The following NUP133 variants were observed in gnomAD, a reference collection of about 807,000 sequenced individuals.
The protein encoded by NUP133 is nuclear pore complex protein Nup133.
NUP133 carries 66 observed loss-of-function variants against 146.2 expected under a neutral mutation model. The observed-to-expected ratio is 0.45, with a 90% CI of 0.37 to 0.55. NUP133 has a LOEUF of 0.55. Ranked by LOEUF, NUP133 falls within the 20% of genes least tolerant of loss-of-function variation. NUP133 has a pLI of 0.00. For missense variants in NUP133, 1,277 were observed against 1,374.8 expected, an observed-to-expected ratio of 0.93 and a Z score of 1.12; for synonymous variants, 521 against 498.8, an observed-to-expected ratio of 1.04 and a Z score of -0.59.
At chr1:229,505,875 G>A (rs1001629608) in intron 2 of NUP133, among the ~76,000 whole-genome samples, 165 bp downstream of exon 2, 1 of 152,110 alleles carries the variant, frequency 6.6e-6, no homozygotes, top group Non-Finnish European at 1.5e-5. Context: ...GTGACAGAGT[G>A]AGACTCTGTC....
At chr1:229,463,168 C>T (rs1030652867) in intron 19 of NUP133, among the ~76,000 whole-genome samples, 1 of 152,096 alleles carries the variant, frequency 6.6e-6, no homozygotes, top group Admixed American at 6.6e-5. Flanking sequence ...GCAGGAGGAT[C>T]GCTTGAGCCC....
intron 9 of NUP133, among the ~76,000 whole-genome samples, chr1:229,488,196 A>T (rs189558124): frequency 3.3e-5 from 5 of 152,284 alleles, no homozygotes; most frequent in Admixed American, 3.3e-4. Context: ...TTCCATGATG[A>T]TGACTATAAC....
chr1:229,466,293 C>T (rs1353652202), intron 16 of NUP133, among the ~76,000 whole-genome samples: 2 of 152,010 alleles, frequency 1.3e-5, no homozygotes, highest in African/African-American at 2.4e-5. Flanking sequence ...TATGATGGTG[C>T]CACTGCACTC....
At chr1:229,502,135 T>TA (rs1558109749) in intron 2 of NUP133, 33 bp from the exon 3 acceptor site, 1 of 1,483,280 alleles carries the variant, frequency 6.7e-7, no homozygotes, top group Non-Finnish European at 9.4e-7. Context: ...TGATTAATCT[T>TA]ATAGTATAAA....
In NUP133 at chr1:229,498,244, T is replaced by G. The variant is rs768134424; in HGVS notation, c.711A>C (p.Ser237=). ...SQLIRLIPES[S]GKIHQHILPQ... ...GCAGGATATGCTGATGAATCTTTCC[T>G]GAGCTCTCAGGTATCAACCGAATTA... The change falls in exon 6 of 26, where the codon TCA becomes TCC. Residue 237 remains serine (S), a synonymous_variant. Coordinates refer to ENST00000261396, the MANE Select transcript of NUP133 (RefSeq NM_018230.3). 1 of 1,612,232 alleles carries G rather than the reference T, an allele frequency of 6.2e-7. No homozygotes were observed. The highest frequency in any genetic ancestry group is 1.1e-5 in the South Asian group (1 of 90,526).
chr1:229,441,768 C>T lies in NUP133; in HGVS notation c.*136G>A, dbSNP rs776879136. 23 of 699,826 alleles carry T rather than the reference C, an allele frequency of 3.3e-5. No individual in the cohort carries two copies. The highest frequency in any genetic ancestry group is 5.1e-5 in the Non-Finnish European group (22 of 435,198). The allele number at this position is 699,826 out of a possible 1,614,324, so 43.4% of individuals were successfully genotyped here. A position where few individuals can be genotyped will look rare whatever the true frequency, so the allele number is the denominator to read the frequency against. On this transcript the variant is annotated 3_prime_UTR_variant, in exon 26 of 26. Coordinates refer to ENST00000261396, the MANE Select transcript of NUP133 (RefSeq NM_018230.3). Reference sequence around the variant, plus strand: ...CAGTTACATAACTATTTTATATTAGCTTCCTACATATAAAGTATAAAAACT... The same window carrying T: ...CAGTTACATAACTATTTTATATTAGTTTCCTACATATAAAGTATAAAAACT...
intron 21 of NUP133, among the ~76,000 whole-genome samples, chr1:229,453,529 T>C (rs1374528315): frequency 6.6e-6 from 1 of 152,220 alleles, no homozygotes. Flanking sequence ...ATAGGAAATT[T>C]ACTTTTTGCT....
chr1:229,490,942 C>T (rs1433730790), intron 8 of NUP133, among the ~76,000 whole-genome samples: 1 of 147,974 alleles, frequency 6.8e-6, no homozygotes, highest in East Asian at 2.0e-4. Context: ...TAGAGTGACA[C>T]CCCATCTTAA....
intron 21 of NUP133, among the ~76,000 whole-genome samples, chr1:229,455,804 A>G (rs1660546441): frequency 1.3e-5 from 2 of 152,188 alleles, no homozygotes; most frequent in Admixed American, 1.3e-4. Context: ...TTCAACCACA[A>G]TACGATTATC....
chr1:229,489,314 G>A (rs542397067), intron 9 of NUP133, among the ~76,000 whole-genome samples: 2 of 152,168 alleles, frequency 1.3e-5, no homozygotes, highest in African/African-American at 4.8e-5. Context: ...TACTCATCAT[G>A]CCCAGCTTGG....
intron 13 of NUP133, 100 bp downstream of exon 13, chr1:229,477,492 TATTAA>T (rs1571924486): frequency 1.3e-6 from 1 of 741,164 alleles, no homozygotes; most frequent in Non-Finnish European, 2.0e-6. Context: ...ATTGAATTAA[TATTAA>T]ATTGTTTGAG....
chr1:229,468,266 G>A (rs1038549623), intron 15 of NUP133, among the ~76,000 whole-genome samples: 3 of 152,026 alleles, frequency 2.0e-5, no homozygotes, highest in Non-Finnish European at 4.4e-5. Flanking sequence ...TAACCAGCTC[G>A]TCCCAAAACA....
intron 2 of NUP133, among the ~76,000 whole-genome samples, chr1:229,503,797 G>T (rs1661866043): frequency 6.6e-6 from 1 of 152,136 alleles, no homozygotes; most frequent in Admixed American, 6.5e-5. Flanking sequence ...TTCTAAGTGG[G>T]GAAGAGTTCT....
chr1:229,464,690 G>A lies in NUP133; in HGVS notation c.2485C>T (p.Arg829Trp), dbSNP rs752242277. 1.1e-5 allele frequency: 17 copies of A among 1,614,044 alleles called. No homozygotes were observed. The highest frequency in any genetic ancestry group is 2.2e-5 in the East Asian group (1 of 44,890). Reference protein sequence around the residue: ...QLKSVDKSSNRERYDNLEMEY... With the variant: ...QLKSVDKSSNWERYDNLEMEY... ...ATCTCCAGATTGTCATATCTTTCCC[G>A]ATTACTGGATTTATCCACAGACTTA... Residue 829 changes from arginine (R) to tryptophan (W), a missense_variant, in exon 18 of 26, where the codon CGG becomes TGG. Coordinates refer to ENST00000261396, the MANE Select transcript of NUP133 (RefSeq NM_018230.3).
intron 8 of NUP133, among the ~76,000 whole-genome samples, chr1:229,492,922 T>A (rs1029894419): frequency 4.1e-4 from 61 of 150,320 alleles, no homozygotes; most frequent in African/African-American, 1.0e-3. Flanking sequence ...AATAAAAATT[T>A]AAAAAAAAAA....
chr1:229,504,124 A>G (rs984537146), intron 2 of NUP133, among the ~76,000 whole-genome samples: 2 of 152,168 alleles, frequency 1.3e-5, no homozygotes, highest in African/African-American at 2.4e-5. Flanking sequence ...TCCTTCTTCT[A>G]AAACAGAGTA....
intron 14 of NUP133, among the ~76,000 whole-genome samples, chr1:229,474,698 C>T (rs753530747): frequency 6.6e-5 from 10 of 152,202 alleles, no homozygotes; most frequent in Non-Finnish European, 1.3e-4. Flanking sequence ...ACTAGGAGAA[C>T]ATTCCCATGA....
chr1:229,462,797 C>T (rs2102756740), intron 19 of NUP133, among the ~76,000 whole-genome samples: 1 of 152,196 alleles, frequency 6.6e-6, no homozygotes. Flanking sequence ...AGTGATCCTA[C>T]CGCCTTGGCC....
At chr1:229,487,437 A>G (rs1661382623) in intron 10 of NUP133, 29 bp downstream of exon 10, 2 of 1,601,294 alleles carry the variant, frequency 1.2e-6, no homozygotes, top group Admixed American at 3.6e-5. Flanking sequence ...TGAGCTCACC[A>G]ATCATGCTTT....
Sources: allele counts gnomAD v4.1 joint callset (sites outside exome capture counted in the v4.1 genomes callset), GRCh38; gene constraint gnomAD v4.1.1; transcripts MANE v1.5; gene names NCBI Gene and HGNC (gene_info 2026-07-23, HGNC 2026-07-21).